Variants in ARMC9 observed in about 807,000 individuals in gnomAD.
The protein encoded by ARMC9 is armadillo repeat containing 9.
Under a neutral mutation model 107.0 loss-of-function variants are expected in ARMC9, and 94 were observed. The observed-to-expected ratio is 0.88, with a 90% confidence interval of 0.74 to 1.04. The LOEUF (loss-of-function observed/expected upper bound fraction) is 1.04. ARMC9 is among the 50% of genes least tolerant of loss of function. The pLI is 0.00. For missense variants in ARMC9, 942 were observed against 1,030.1 expected (o/e 0.91, Z 1.17); for synonymous variants, 380 against 396.9 (o/e 0.96, Z 0.51).
At position 231,371,103 on chromosome 2, in the gene ARMC9, A is replaced by C. The variant is rs569059478; in HGVS notation, c.2435-410A>C. 48 of 472,748 alleles carry C rather than the reference A, an allele frequency of 1.0e-4. 1 individual carries two copies. Among genetic ancestry groups the C allele is most frequent in the South Asian group, 7.1e-4 (46 of 64,674 alleles). 29.3% of individuals were successfully genotyped at this position (472,748 alleles called of 1,614,324 possible). On this transcript the variant is annotated intron_variant, in intron 24 of 24. Transcript: ENST00000611582. ...CCCAGGTCAGGCGCAGAGGAGGTGC[A>C]GCAAATCCAGGGGAGGCTCGGCCAG... is the stretch of plus-strand genomic sequence containing the variant.
chr2:231,208,898 G>A (rs1289462669), intron 3 of ARMC9, among the ~76,000 whole-genome samples: 2 of 151,868 alleles, frequency 1.3e-5, no homozygotes, highest in African/African-American at 2.4e-5. Context: ...GTAGGACCTC[G>A]TTTCTTTTTC....
intron 19 of ARMC9, among the ~76,000 whole-genome samples, chr2:231,326,052 C>T (rs1355783827): frequency 6.6e-6 from 1 of 152,162 alleles, no homozygotes; most frequent in Non-Finnish European, 1.5e-5. Flanking sequence ...GCCCTCCCTC[C>T]CATTACTCTC....
rs116710130 is a variant in ARMC9, at chr2:231,328,499, T to C, written c.1774-3294T>C. Among the ~76,000 whole-genome samples the C allele has an allele frequency of 2.1e-3, 322 of 152,342 alleles. 1 individual carries two copies. The highest frequency in any genetic ancestry group is 7.3e-3 in the African/African-American group (304 of 41,576). ...AGTCCATGATTCATTTCGAGTTGAT[T>C]TTTATGTAAGATACGAGAATTAGAT... On this transcript the variant is annotated intron_variant, in intron 19 of 24. Transcript: ENST00000611582.
Position 231,360,635 on chromosome 2 carries a change from CCCG to C in ARMC9, c.2132-117_2132-115del. 2.0e-6 allele frequency: 3 copies of C among 1,464,722 alleles called. No individual in the cohort carries two copies. In the South Asian group the frequency reaches 3.7e-5, roughly 18 times the overall value. The allele number at this position is 1,464,722 out of a possible 1,614,324, so 90.7% of individuals were successfully genotyped here. A position where few individuals can be genotyped will look rare whatever the true frequency, so the allele number is the denominator to read the frequency against. ...ATCCCAAGCCACAGGCGCCAGGGAG[CCCG>C]CAGGGCCTGGCCTGGGGTGCGTGCT... On this transcript the variant is annotated intron_variant, in intron 22 of 24. Coordinates refer to ENST00000611582, the MANE Select transcript of ARMC9 (RefSeq NM_001352754.2). The surrounding 1 kb of genome is among the most constrained non-coding windows in gnomAD (Gnocchi z 4.7).
At position 231,256,017 on chromosome 2, in the gene ARMC9, G is replaced by A. The variant is rs539389873; in HGVS notation, c.880-569G>A. 8.0e-5 allele frequency: 109 copies of A among 1,365,674 alleles called. No individual in the cohort carries two copies. The African/African-American group carries it at 1.3e-3, about 16-fold the overall frequency. The allele number at this position is 1,365,674 out of a possible 1,614,324, so 84.6% of individuals were successfully genotyped here. ...ATTGCGCCACTGCTCTCCAGCCTGG[G>A]TGACAGAGCAAGACTCAGTCTCAAA... is the stretch of plus-strand genomic sequence containing the variant. On this transcript the variant is annotated intron_variant, in intron 9 of 24. Coordinates refer to ENST00000611582, the MANE Select transcript of ARMC9 (RefSeq NM_001352754.2).
rs143526308 is a variant in ARMC9 at position 231,256,006 on chromosome 2, C to T, written c.880-580C>T. 331 of 1,310,530 alleles carry T rather than the reference C, an allele frequency of 2.5e-4. No individual in the cohort carries two copies. In the African/African-American group the frequency reaches 4.3e-3, roughly 17 times the overall value. The allele number at this position is 1,310,530 out of a possible 1,614,324, so 81.2% of individuals were successfully genotyped here. A position where few individuals can be genotyped will look rare whatever the true frequency, so the allele number is the denominator to read the frequency against. ...GGTGAGCCAAGATTGCGCCACTGCTCTCCAGCCTGGGTGACAGAGCAAGAC... is the reference window on the plus strand; with the variant it reads ...GGTGAGCCAAGATTGCGCCACTGCTTTCCAGCCTGGGTGACAGAGCAAGAC... On this transcript the variant is annotated intron_variant, in intron 9 of 24. Transcript: ENST00000611582.
chr2:231,327,784 T>G (rs906905379), intron 19 of ARMC9, among the ~76,000 whole-genome samples: 2 of 152,174 alleles, frequency 1.3e-5, no homozygotes, highest in African/African-American at 4.8e-5. Flanking sequence ...TTTTTGTTTT[T>G]GTTTTTTTGG....
intron 19 of ARMC9, among the ~76,000 whole-genome samples, chr2:231,300,228 G>A (rs1035501277): frequency 2.6e-5 from 4 of 152,210 alleles, no homozygotes; most frequent in Non-Finnish European, 4.4e-5. Context: ...GAGGTCAGCC[G>A]TGGACATTTA....
In ARMC9 at chr2:231,252,160, G is replaced by A. The variant is rs181673455; in HGVS notation, c.880-4426G>A. The stretch of plus-strand genomic sequence containing the variant: ...AAGGTAGAAAACGTTTTTTGGCTAC[G>A]GAAAAAGGAGAATGTTGATAAATTT... On this transcript the variant is annotated intron_variant, in intron 9 of 24. Transcript: ENST00000611582. Among the ~76,000 whole-genome samples, 517 of 152,094 alleles carry A rather than the reference G, an allele frequency of 3.4e-3. 6 individuals carry two copies. Among genetic ancestry groups the A allele is most frequent in the African/African-American group, 0.012 (492 of 41,520 alleles).
At position 231,328,938 on chromosome 2, in the gene ARMC9, C is replaced by A. The variant is rs544283090; in HGVS notation, c.1774-2855C>A. Among the ~76,000 whole-genome samples, 5 of 151,360 alleles carry A rather than the reference C, an allele frequency of 3.3e-5. No individual in the cohort carries two copies. The East Asian group carries it at 9.7e-4, about 29-fold the overall frequency. ...CACACCATTCCCCTGCCTCAGCCTC[C>A]CAAGTAGCTGGGACTACAGGAACCC... On this transcript the variant is annotated intron_variant, in intron 19 of 24. Transcript: ENST00000611582.
chr2:231,289,081 A>G (rs2040810959), intron 17 of ARMC9, among the ~76,000 whole-genome samples: 1 of 152,214 alleles, frequency 6.6e-6, no homozygotes, highest in South Asian at 2.1e-4. Flanking sequence ...TGAAATGACA[A>G]GTTATTACTT....
intron 6 of ARMC9, among the ~76,000 whole-genome samples, chr2:231,225,787 A>T (rs1013902857): frequency 6.6e-6 from 1 of 152,196 alleles, no homozygotes; most frequent in African/African-American, 2.4e-5. Flanking sequence ...AAATGTTCTA[A>T]AATTGATTGT....
rs2046142544 is a variant in ARMC9, at chr2:231,374,683, G to C, written c.*3148G>C. 6.6e-6 allele frequency: 1 copy of C among 152,130 alleles called. No homozygotes were observed. The highest frequency in any genetic ancestry group is 6.6e-5 in the Admixed American group (1 of 15,260). 9.4% of individuals were successfully genotyped at this position (152,130 alleles called of 1,614,324 possible). On this transcript the variant is annotated 3_prime_UTR_variant, in exon 25 of 25. Coordinates refer to ENST00000611582, the MANE Select transcript of ARMC9 (RefSeq NM_001352754.2). ...TTTTAATAAAAACAAGTCTGGCCCT[G>C]TACTTGGATGACCCCACCTGGCTTG...
Position 231,273,057 on chromosome 2 carries a change from C to A in ARMC9, c.1313C>A (p.Ala438Asp), listed in dbSNP as rs763545531. The change falls in exon 14 of 25, where the codon GCC (alanine) becomes GAC (aspartate). Residue 438 changes from alanine to aspartate, a missense_variant. By Grantham distance (126) the Ala-to-Asp change is moderately radical (BLOSUM62 -2). Coordinates refer to ENST00000611582, the MANE Select transcript of ARMC9 (RefSeq NM_001352754.2). ...DIITRENVLG[A>D]LQKFSLRRPL... The stretch of plus-strand genomic sequence containing the variant: ...ATCACCAGGGAGAATGTTCTTGGGG[C>A]CCTGCAGAAGTTCAGTCTCAGGTAA... 6.2e-7 allele frequency: 1 copy of A among 1,613,652 alleles called. No homozygotes were observed. The highest frequency in any genetic ancestry group is 2.2e-5 in the East Asian group (1 of 44,874).
At chr2:231,322,473 G>A (rs1016519359) in intron 19 of ARMC9, among the ~76,000 whole-genome samples, 2 of 152,194 alleles carry the variant, frequency 1.3e-5, no homozygotes, top group African/African-American at 4.8e-5. Flanking sequence ...GTGTAAAACC[G>A]CCTGAACACA....
In ARMC9 at chr2:231,208,114, T is replaced by G; in HGVS notation, c.52-13T>G. ...TTGTTTTGCTGTTGAATTGAATTAT[T>G]TATTTTTTATAGTATTTAGATTTTG... On this transcript the variant is annotated splice_polypyrimidine_tract_variant and intron_variant, in intron 2 of 24. Transcript: ENST00000611582. The G allele has an allele frequency of 8.6e-7, 1 of 1,160,642 alleles. No individual in the cohort carries two copies. Among genetic ancestry groups the G allele is most frequent in the Non-Finnish European group, 1.3e-6 (1 of 799,404 alleles). The allele number at this position is 1,160,642 out of a possible 1,614,324, so 71.9% of individuals were successfully genotyped here.
At chr2:231,215,633 C>T (rs1380849142) in intron 4 of ARMC9, among the ~76,000 whole-genome samples, 3 of 152,250 alleles carry the variant, frequency 2.0e-5, no homozygotes, top group African/African-American at 4.8e-5. Flanking sequence ...AAATGTGAAG[C>T]TGCTGCGGTG....
At chr2:231,250,711 C>CGG (rs2037226356) in intron 9 of ARMC9, among the ~76,000 whole-genome samples, 1 of 151,972 alleles carries the variant, frequency 6.6e-6, no homozygotes. Flanking sequence ...TAAAGCCTTG[C>CGG]GGGGGCCTGG....
chr2:231,344,443 G>A (rs1266205567), intron 20 of ARMC9, among the ~76,000 whole-genome samples: 1 of 152,088 alleles, frequency 6.6e-6, no homozygotes, highest in African/African-American at 2.4e-5. Context: ...GTGACATGGT[G>A]GTTTGAATTC....
Sources: allele counts gnomAD v4.1 joint callset (sites outside exome capture counted in the v4.1 genomes callset), GRCh38; gene constraint gnomAD v4.1.1; non-coding constraint Gnocchi (gnomAD v3.1); transcripts MANE v1.5; gene names NCBI Gene and HGNC (gene_info 2026-07-23, HGNC 2026-07-21).